Variants in COBLL1 observed in about 807,000 individuals in gnomAD.
COBLL1 encodes cordon-bleu WH2 repeat protein like 1.
In COBLL1, 50 loss-of-function variants were observed where a neutral mutation model predicts 94.8. That is an observed-to-expected ratio of 0.53 (90% CI 0.42 to 0.67). The LOEUF (loss-of-function observed/expected upper bound fraction) is 0.67, where lower values mean the gene tolerates loss of function less well. COBLL1 is among the 30% of genes least tolerant of loss of function. The probability of loss-of-function intolerance (pLI) is 0.00; values close to 1 mark genes in which losing one functional copy is unlikely to be tolerated. For synonymous variants in COBLL1, 448 were observed against 473.8 expected, an observed-to-expected ratio of 0.95 and a Z score of 0.71; for missense variants, 1,362 against 1,348.7, an observed-to-expected ratio of 1.01 and a Z score of -0.15.
At chr2:164,772,064 G>C (rs1688232076) in intron 2 of COBLL1, 1 of 151,860 alleles carries the variant, frequency 6.6e-6, no homozygotes, top group Admixed American at 6.6e-5. Flanking sequence ...ACATCATTAA[G>C]TTTGCTTATT....
intron 7 of COBLL1, chr2:164,705,447 C>T (rs767521367): frequency 6.4e-5 from 11 of 170,806 alleles, no homozygotes; most frequent in Non-Finnish European, 1.2e-4. Flanking sequence ...AAAAAGGGAA[C>T]ATTATTTGTA....
intron 2 of COBLL1, among the ~76,000 whole-genome samples, chr2:164,829,935 A>G (rs1192921576): frequency 1.3e-5 from 2 of 152,138 alleles, no homozygotes; most frequent in African/African-American, 4.8e-5. Context: ...CCACTTCCAT[A>G]AGAATGTTTG....
chr2:164,700,631 T>C lies in COBLL1; in HGVS notation c.1351A>G (p.Ile451Val), dbSNP rs1684202853. 6.2e-7 allele frequency: 1 copy of C among 1,612,754 alleles called. No homozygotes were observed. The highest frequency in any genetic ancestry group is 1.3e-5 in the African/African-American group (1 of 75,014). ...GGATCATTTTTCAGTGTATTTATTA[T>C]ATCAGTAGATACAAAAGGAATATCT... The part of the protein sequence containing the change: ...SQDIPFVSTD[I>V]INTLKNDPDS... Residue 451 changes from isoleucine (I) to valine (V), a missense_variant, in exon 10 of 14, where the codon ATA (isoleucine) becomes GTA (valine). Coordinates refer to ENST00000652658, the MANE Select transcript of COBLL1 (RefSeq NM_001365672.2).
chr2:164,788,799 A>G (rs1239147965), intron 2 of COBLL1, among the ~76,000 whole-genome samples: 1 of 151,592 alleles, frequency 6.6e-6, no homozygotes, highest in African/African-American at 2.4e-5. Flanking sequence ...GACCAAGACC[A>G]GCCTGGTCAA....
At chr2:164,664,235 A>G (rs1691116059) in intron 2 of COBLL1, among the ~76,000 whole-genome samples, 1 of 152,244 alleles carries the variant, frequency 6.6e-6, no homozygotes, top group African/African-American at 2.4e-5. Flanking sequence ...TGGTTAAAGT[A>G]TAGATAAGCA....
intron 7 of COBLL1, among the ~76,000 whole-genome samples, chr2:164,713,061 G>A (rs1033360812): frequency 2.0e-5 from 3 of 152,002 alleles, no homozygotes; most frequent in Non-Finnish European, 4.4e-5. Context: ...GGTGGGGTGG[G>A]GGAAGTTTAT....
chr2:164,673,405 T>G (rs1056607065), intron 1 of COBLL1, among the ~76,000 whole-genome samples: 1 of 152,170 alleles, frequency 6.6e-6, no homozygotes, highest in Non-Finnish European at 1.5e-5. Flanking sequence ...CCAGGCGCAG[T>G]GGCTCACGCA....
chr2:164,730,411 C>A (rs895994579), intron 3 of COBLL1, among the ~76,000 whole-genome samples: 9 of 151,184 alleles, frequency 6.0e-5, no homozygotes, highest in African/African-American at 2.2e-4. Flanking sequence ...GGCCAGAGAA[C>A]AACACGAGCT....
intron 2 of COBLL1, among the ~76,000 whole-genome samples, chr2:164,748,759 G>T (rs1686990395): frequency 6.6e-6 from 1 of 151,974 alleles, no homozygotes; most frequent in African/African-American, 2.4e-5. Flanking sequence ...ATACTGGAAA[G>T]ATATTTATAA....
In COBLL1 at chr2:164,683,632, G is replaced by A. The variant is rs749072303; in HGVS notation, c.*2314C>T. The stretch of plus-strand genomic sequence containing the variant: ...ATAAATCTCAATTCAGTCTTTCTTG[G>A]TTCCCACAGGTAACCACCAGCAAAT... On this transcript the variant is annotated 3_prime_UTR_variant, in exon 14 of 14. Transcript: ENST00000652658. 4 of 151,886 alleles carry A rather than the reference G, an allele frequency of 2.6e-5. No individual in the cohort carries two copies. Among genetic ancestry groups the A allele is most frequent in the Non-Finnish European group, 4.4e-5 (3 of 67,954 alleles). 9.4% of individuals were successfully genotyped at this position (151,886 alleles called of 1,614,324 possible).
At chr2:164,818,606 TGTAC>T (rs1684985154) in intron 2 of COBLL1, among the ~76,000 whole-genome samples, 2 of 144,750 alleles carry the variant, frequency 1.4e-5, no homozygotes, top group Admixed American at 1.4e-4. Context: ...ATAGCATATG[TGTAC>T]ATATGTACAC....
At chr2:164,727,426 T>C (rs1685770221) in intron 5 of COBLL1, among the ~76,000 whole-genome samples, 1 of 152,078 alleles carries the variant, frequency 6.6e-6, no homozygotes, top group Non-Finnish European at 1.5e-5. Flanking sequence ...TTTTAATACA[T>C]CATTTCTATA....
At chr2:164,776,158 G>A (rs355874) in intron 2 of COBLL1, among the ~76,000 whole-genome samples, 35,253 of 150,488 alleles carry the variant, frequency 0.23, 4,750 homozygotes, top group African/African-American at 0.37. Flanking sequence ...GCTCTCAGGC[G>A]GCATTCCAAT....
intron 5 of COBLL1, among the ~76,000 whole-genome samples, chr2:164,726,890 A>AC (rs1393835715): frequency 6.6e-6 from 1 of 152,092 alleles, no homozygotes; most frequent in Non-Finnish European, 1.5e-5. Flanking sequence ...TAATTTTTAA[A>AC]CATTTGTTGA....
At chr2:164,745,635 T>A (rs1249494139) in intron 2 of COBLL1, among the ~76,000 whole-genome samples, 1 of 152,172 alleles carries the variant, frequency 6.6e-6, no homozygotes, top group Admixed American at 6.6e-5. Context: ...AACACAGGTA[T>A]GCAGATGGTG....
At chr2:164,753,222 A>G (rs558070729) in intron 2 of COBLL1, among the ~76,000 whole-genome samples, 3 of 152,128 alleles carry the variant, frequency 2.0e-5, no homozygotes, top group Non-Finnish European at 4.4e-5. Context: ...TGATAAAGGG[A>G]ATGGCAAACC....
intron 2 of COBLL1, among the ~76,000 whole-genome samples, chr2:164,825,220 G>C (rs1402468690): frequency 6.6e-6 from 1 of 151,996 alleles, no homozygotes; most frequent in Non-Finnish European, 1.5e-5. Context: ...CTGTGACCCT[G>C]ATACTTTTAA....
chr2:164,757,258 T>C (rs1206331362), intron 2 of COBLL1, among the ~76,000 whole-genome samples: 1 of 152,162 alleles, frequency 6.6e-6, no homozygotes, highest in African/African-American at 2.4e-5. Context: ...TTCTACCTAG[T>C]TCAATCACAT....
intron 2 of COBLL1, among the ~76,000 whole-genome samples, chr2:164,834,442 C>G (rs1683229111): frequency 6.6e-6 from 1 of 152,188 alleles, no homozygotes; most frequent in African/African-American, 2.4e-5. Flanking sequence ...GAATCAATCA[C>G]CAATCTCCAT....
Sources: gnomAD v4.1 joint callset for allele counts (sites outside exome capture counted in the v4.1 genomes callset) on GRCh38, gnomAD v4.1.1 for gene constraint, MANE v1.5 for transcripts, NCBI Gene and HGNC (gene_info 2026-07-23, HGNC 2026-07-21) for gene names.